The following MARCHF1 variants were observed in gnomAD, a reference collection of about 807,000 sequenced individuals.
The protein encoded by MARCHF1 is membrane associated ring-CH-type finger 1, also known as E3 ubiquitin-protein ligase MARCHF1.
MARCHF1 carries 40 observed loss-of-function variants against 54.2 expected under a neutral mutation model. The ratio of observed to expected loss-of-function variants is 0.74; its 90% CI spans 0.57 to 0.96. The LOEUF (loss-of-function observed/expected upper bound fraction) is 0.96, where lower values mean the gene tolerates loss of function less well. MARCHF1 is among the 40% of genes least tolerant of loss of function. The pLI is 0.00. For missense variants in MARCHF1, 586 were observed against 656.5 expected (o/e 0.89, Z 1.17); for synonymous variants, 236 against 236.3 (o/e 1.00, Z 0.01).
intron 5 of MARCHF1, among the ~76,000 whole-genome samples, chr4:163,674,215 A>G (rs1343920722): frequency 2.0e-5 from 3 of 152,226 alleles, no homozygotes; most frequent in Non-Finnish European, 4.4e-5. Context: ...CAACAAGGAA[A>G]CAAAAATGTG....
At chr4:163,862,685 TC>T (rs1436685795) in intron 3 of MARCHF1, among the ~76,000 whole-genome samples, 1 of 152,052 alleles carries the variant, frequency 6.6e-6, no homozygotes, top group Non-Finnish European at 1.5e-5. Context: ...CATAATCTTA[TC>T]ATACAATCCA....
intron 3 of MARCHF1, among the ~76,000 whole-genome samples, chr4:163,983,870 C>T (rs1275540048): frequency 6.6e-6 from 1 of 151,916 alleles, no homozygotes; most frequent in African/African-American, 2.4e-5. Context: ...AAGACTTGAG[C>T]CCAGAGTAGC....
At chr4:164,330,473 C>T (rs1373082013) in intron 1 of MARCHF1, among the ~76,000 whole-genome samples, 2 of 152,126 alleles carry the variant, frequency 1.3e-5, no homozygotes, top group Non-Finnish European at 2.9e-5. Flanking sequence ...ATAAAACCCA[C>T]CCGTAGCCAC....
At chr4:163,573,562 G>A (rs1352038011) in intron 8 of MARCHF1, among the ~76,000 whole-genome samples, 1 of 148,972 alleles carries the variant, frequency 6.7e-6, no homozygotes, top group African/African-American at 2.5e-5. Flanking sequence ...AATACGCGGT[G>A]TTTGGTTTTT....
At chr4:164,262,067 T>G (rs1291689283) in intron 1 of MARCHF1, among the ~76,000 whole-genome samples, 1 of 146,118 alleles carries the variant, frequency 6.8e-6, no homozygotes, top group Admixed American at 7.0e-5. Context: ...TCTGCACCAC[T>G]GCACTCTAGC....
intron 2 of MARCHF1, among the ~76,000 whole-genome samples, chr4:164,026,987 A>G (rs1188879273): frequency 3.9e-5 from 6 of 152,088 alleles, no homozygotes; most frequent in Admixed American, 1.3e-4. Context: ...CCCATTTACA[A>G]TAGCCACAAA....
chr4:164,110,123 TAC>T (rs70948699), intron 2 of MARCHF1, among the ~76,000 whole-genome samples: 61,297 of 145,650 alleles, frequency 0.42, 13,623 homozygotes, highest in Non-Finnish European at 0.5. Flanking sequence ...GAATTGGAGA[TAC>T]ACACACACAC....
At chr4:164,197,779 G>A (rs1233778657) in intron 1 of MARCHF1, 13 of 1,605,300 alleles carry the variant, frequency 8.1e-6, no homozygotes, top group South Asian at 3.3e-5. Context: ...TCGAACCCAC[G>A]GCCGCACGTT....
intron 4 of MARCHF1, among the ~76,000 whole-genome samples, chr4:163,734,195 G>A (rs72995205): frequency 0.04 from 6,038 of 152,238 alleles, 183 homozygotes; most frequent in East Asian, 0.077. Flanking sequence ...GGCAAGATAG[G>A]GAGAAATAGA....
intron 6 of MARCHF1, 99 bp downstream of exon 6, chr4:163,613,215 G>T: frequency 7.2e-7 from 1 of 1,380,992 alleles, no homozygotes; most frequent in Non-Finnish European, 9.8e-7. Context: ...TATGGACCAT[G>T]TAAAGCAGAA....
At position 164,027,392 on chromosome 4, in the gene MARCHF1, A is replaced by AAAAAAAAAAAAAAAAAAAAAAAT. The variant is rs1553971149; in HGVS notation, c.-247-38684_-247-38683insATTTTTTTTTTTTTTTTTTTTTT. Among the ~76,000 whole-genome samples, 196 of 59,006 alleles carry AAAAAAAAAAAAAAAAAAAAAAAT rather than the reference A, an allele frequency of 3.3e-3. 70 individuals carry two copies. Among genetic ancestry groups the AAAAAAAAAAAAAAAAAAAAAAAT allele is most frequent in the South Asian group, 5.0e-3 (7 of 1,388 alleles). The allele number at this position is 59,006 out of a possible 152,430, so 38.7% of individuals were successfully genotyped here. Reference sequence around the variant, plus strand: ...AAAAAAAAAAAAAAAAAAAAAAAAAAAGATACATAGATAAATGGATCTATA... The same window carrying AAAAAAAAAAAAAAAAAAAAAAAT: ...AAAAAAAAAAAAAAAAAAAAAAAAAAAAAAAAAAAAAAAAAAAAAAAATAGATACATAGATAAATGGATCTATA... On this transcript the variant is annotated intron_variant, in intron 2 of 9. Coordinates refer to ENST00000514618, the MANE Select transcript of MARCHF1 (RefSeq NM_001394959.1).
chr4:164,301,808 A>T (rs1365011259), intron 1 of MARCHF1, among the ~76,000 whole-genome samples: 1 of 152,220 alleles, frequency 6.6e-6, no homozygotes, highest in Admixed American at 6.5e-5. Flanking sequence ...AAAGGATCGA[A>T]TGCTGGAAAT....
chr4:163,962,817 C>T (rs890202683), intron 3 of MARCHF1, among the ~76,000 whole-genome samples: 4 of 151,546 alleles, frequency 2.6e-5, no homozygotes, highest in Non-Finnish European at 5.9e-5. Flanking sequence ...CTTTTTAAAG[C>T]GATTTTTAAA....
chr4:163,824,128 T>C (rs574138864), intron 4 of MARCHF1, among the ~76,000 whole-genome samples: 1 of 151,938 alleles, frequency 6.6e-6, no homozygotes, highest in Non-Finnish European at 1.5e-5. Context: ...TTAGTGCATA[T>C]AGTCTGCTTT....
intron 1 of MARCHF1, among the ~76,000 whole-genome samples, chr4:164,199,675 CACACACAGAGAG>C (rs1430172237): frequency 7.7e-3 from 417 of 54,430 alleles, no homozygotes; most frequent in African/African-American, 0.019. Flanking sequence ...CACACACACA[CACACACAGAGAG>C]AGAGAGAGAG....
chr4:164,183,690 G>A (rs555574200), intron 1 of MARCHF1, among the ~76,000 whole-genome samples: 1 of 152,272 alleles, frequency 6.6e-6, no homozygotes, highest in South Asian at 2.1e-4. Flanking sequence ...GGGTGATGCA[G>A]CATTGACAAG....
chr4:163,866,245 A>G (rs1016735660), intron 3 of MARCHF1, among the ~76,000 whole-genome samples: 1 of 151,268 alleles, frequency 6.6e-6, no homozygotes, highest in African/African-American at 2.4e-5. Context: ...AAATCTATAT[A>G]GTTCTCTCAA....
At chr4:163,910,380 C>T (rs1751163848) in intron 3 of MARCHF1, among the ~76,000 whole-genome samples, 1 of 152,144 alleles carries the variant, frequency 6.6e-6, no homozygotes, top group Non-Finnish European at 1.5e-5. Flanking sequence ...ATCCAAGTGG[C>T]TTCAACATTT....
At chr4:164,039,863 A>AAACATGC (rs1157491710) in intron 2 of MARCHF1, among the ~76,000 whole-genome samples, 1 of 151,610 alleles carries the variant, frequency 6.6e-6, no homozygotes, top group Non-Finnish European at 1.5e-5. Flanking sequence ...ACTTACAAAC[A>AAACATGC]TCAGTTCTAC....
Sources: gnomAD v4.1 joint callset for allele counts (sites outside exome capture counted in the v4.1 genomes callset) on GRCh38, gnomAD v4.1.1 for gene constraint, MANE v1.5 for transcripts, NCBI Gene and HGNC (gene_info 2026-07-23, HGNC 2026-07-21) for gene names.